Variants in TENM1 observed in about 807,000 individuals in gnomAD.
The protein encoded by TENM1 is teneurin transmembrane protein 1.
TENM1 carries 35 observed loss-of-function variants against 174.8 expected under a neutral mutation model. That is an observed-to-expected ratio of 0.20 (90% CI 0.15 to 0.27). The LOEUF is 0.27. Ranked by LOEUF, TENM1 falls within the 10% of genes least tolerant of loss-of-function variation. TENM1 has a pLI of 1.00. For synonymous variants in TENM1, 781 were observed against 798.7 expected (o/e 0.98, Z 0.37); for missense variants, 1,633 against 2,130.1 (o/e 0.77, Z 4.59).
chrX:124,805,450 T>C (rs1441674372), intron 3 of TENM1, among the ~76,000 whole-genome samples: 1 of 112,655 alleles, frequency 8.9e-6, no homozygotes, highest in Non-Finnish European at 1.9e-5. Context: ...AAAATGGGCA[T>C]ACTAGTTTTT....
the TENM1 span, among the ~76,000 whole-genome samples, chrX:125,019,298 C>T: frequency 9.0e-6 from 1 of 111,126 alleles, no homozygotes; most frequent in Non-Finnish European, 1.9e-5. Context: ...ATGTTATTTA[C>T]AAATCTGAAT....
At chrX:124,951,673 T>TATATATATATATATATATA (rs767583231) in intron 1 of TENM1, among the ~76,000 whole-genome samples, 5 of 66,078 alleles carry the variant, frequency 7.6e-5, no homozygotes, top group Non-Finnish European at 1.1e-4. Flanking sequence ...TATATATATA[T>TATATATATATATATATATA]AACAATCAAT....
chrX:124,682,825 C>G (rs748939244), intron 5 of TENM1, among the ~76,000 whole-genome samples: 8 of 110,653 alleles, frequency 7.2e-5, no homozygotes, highest in Non-Finnish European at 1.3e-4. Context: ...TCATCTAGGT[C>G]AGAAAACTGT....
chrX:124,987,772 G>A, the TENM1 span, among the ~76,000 whole-genome samples: 1 of 106,071 alleles, frequency 9.4e-6, no homozygotes, highest in African/African-American at 3.5e-5. Context: ...TTTAAAATGT[G>A]GTTTGGGACT....
intron 1 of TENM1, among the ~76,000 whole-genome samples, chrX:124,928,094 C>G (rs2058116833): frequency 8.9e-6 from 1 of 111,973 alleles, no homozygotes; most frequent in African/African-American, 3.2e-5. Context: ...TGAATCAAAA[C>G]TGAAATAACT....
At chrX:125,119,773 A>G in the TENM1 span, among the ~76,000 whole-genome samples, 2 of 111,510 alleles carry the variant, frequency 1.8e-5, no homozygotes, top group Non-Finnish European at 3.8e-5. Flanking sequence ...ACTAAATTTA[A>G]TCAGGTTATC....
intron 3 of TENM1, among the ~76,000 whole-genome samples, chrX:124,855,526 C>T (rs1272098457): frequency 9.0e-6 from 1 of 111,241 alleles, no homozygotes; most frequent in African/African-American, 3.3e-5. Context: ...AAAAGAATAG[C>T]ATTTGAATAA....
At chrX:124,708,860 A>G (rs113103826) in intron 4 of TENM1, among the ~76,000 whole-genome samples, 1,576 of 111,615 alleles carry the variant, frequency 0.014, 36 homozygotes, top group African/African-American at 0.049. Context: ...ATTCATGAGT[A>G]TTAGGGAGTG....
At chrX:124,709,809 C>A (rs1056029824) in intron 4 of TENM1, among the ~76,000 whole-genome samples, 1 of 110,701 alleles carries the variant, frequency 9.0e-6, no homozygotes, top group Non-Finnish European at 1.9e-5. Context: ...CACATCTATT[C>A]TTCTGTATGT....
At chrX:125,031,173 G>T in the TENM1 span, among the ~76,000 whole-genome samples, 2 of 110,354 alleles carry the variant, frequency 1.8e-5, no homozygotes, top group Admixed American at 1.9e-4. Flanking sequence ...CTGAGTATCT[G>T]ATGTTTAGCT....
chrX:125,158,991 A>G, the TENM1 span, among the ~76,000 whole-genome samples: 1 of 111,187 alleles, frequency 9.0e-6, no homozygotes, highest in South Asian at 3.8e-4. Context: ...GCTTCCAGAG[A>G]TCCAAGCTGT....
chrX:124,953,777 C>T (rs1241104636), intron 1 of TENM1, among the ~76,000 whole-genome samples: 2 of 111,869 alleles, frequency 1.8e-5, no homozygotes, highest in African/African-American at 3.2e-5. Context: ...AAGAAATACA[C>T]AATTCCATTT....
intron 13 of TENM1, among the ~76,000 whole-genome samples, chrX:124,562,919 T>C (rs185621931): frequency 2.2e-4 from 25 of 111,955 alleles, no homozygotes; most frequent in African/African-American, 7.1e-4. Context: ...AGTAACCCAG[T>C]GTTCCTTCTA....
chrX:125,176,919 A>G, the TENM1 span, among the ~76,000 whole-genome samples: 3 of 111,626 alleles, frequency 2.7e-5, no homozygotes, highest in Non-Finnish European at 3.8e-5. Flanking sequence ...TGGCACTCAC[A>G]TTTTCCAGTA....
Position 124,664,532 on chromosome X carries a change from GAAA to G in TENM1, c.1168+7148_1168+7150del, listed in dbSNP as rs779501054. 7.5e-3 allele frequency among the ~76,000 whole-genome samples: 219 copies of G among 29,264 alleles called. 1 individual carries two copies. The highest frequency in any genetic ancestry group is 0.025 in the African/African-American group (208 of 8,426). The allele number at this position is 29,264 out of a possible 115,157, so 25.4% of individuals were successfully genotyped here. A position where few individuals can be genotyped will look rare whatever the true frequency, so the allele number is the denominator to read the frequency against. ...CATTTATGTCTCAGATAAAGCAAAA[GAAA>G]AAAAAAAAAAAAAAAAAAAAAGCAA... On this transcript the variant is annotated intron_variant, in intron 6 of 31. Transcript: ENST00000422452.
chrX:124,969,746 C>T, the TENM1 span, among the ~76,000 whole-genome samples: 1 of 110,991 alleles, frequency 9.0e-6, no homozygotes, highest in Non-Finnish European at 1.9e-5. Flanking sequence ...TGGCCCGACT[C>T]TTAACCACTC....
At chrX:124,461,586 A>T (rs1053169543) in intron 22 of TENM1, among the ~76,000 whole-genome samples, 1 of 111,954 alleles carries the variant, frequency 8.9e-6, no homozygotes, top group African/African-American at 3.2e-5. Context: ...AGGAAATTTT[A>T]TCATTTGCAG....
At chrX:124,507,540 A>C (rs775462058) in intron 18 of TENM1, among the ~76,000 whole-genome samples, 3 of 111,977 alleles carry the variant, frequency 2.7e-5, no homozygotes, top group Non-Finnish European at 5.6e-5. Context: ...TGTAAAGAAG[A>C]CTGAGTAAAA....
intron 1 of TENM1, among the ~76,000 whole-genome samples, chrX:124,911,799 T>C (rs1394201487): frequency 1.8e-5 from 2 of 111,803 alleles, no homozygotes. Context: ...TGCTGCTTAC[T>C]ATTCCTGTGT....
Sources: allele counts gnomAD v4.1 joint callset (sites outside exome capture counted in the v4.1 genomes callset), GRCh38; gene constraint gnomAD v4.1.1; transcripts MANE v1.5; gene names NCBI Gene and HGNC (gene_info 2026-07-23, HGNC 2026-07-21).